Variants in BAIAP2L2 observed in about 807,000 individuals in gnomAD.
BAIAP2L2 encodes BAR/IMD domain-containing adapter protein 2-like 2.
BAIAP2L2 carries 65 observed loss-of-function variants against 60.4 expected under a neutral mutation model. The ratio of observed to expected loss-of-function variants is 1.08; its 90% confidence interval spans 0.88 to 1.32. The LOEUF is 1.32. BAIAP2L2 is among the 40% of genes most tolerant of loss of function. The pLI, the probability that BAIAP2L2 is intolerant of heterozygous loss-of-function variation, is 0.00. For missense variants in BAIAP2L2, 836 were observed against 741.2 expected, an observed-to-expected ratio of 1.13 and a Z score of -1.48; for synonymous variants, 344 against 301.7, an observed-to-expected ratio of 1.14 and a Z score of -1.45.
At chr22:38,104,946 A>C (rs892883063) in intron 4 of BAIAP2L2, among the ~76,000 whole-genome samples, 2 of 152,018 alleles carry the variant, frequency 1.3e-5, no homozygotes, top group Middle Eastern at 3.2e-3. Context: ...TGATGGGGGC[A>C]CCTGAAGGGG....
Position 38,097,056 on chromosome 22 carries a change from G to A in BAIAP2L2, c.588C>T (p.Asn196=). The A allele has an allele frequency of 6.2e-7, 1 of 1,613,828 alleles. No homozygotes were observed. The highest frequency in any genetic ancestry group is 8.5e-7 in the Non-Finnish European group (1 of 1,179,852). Reference sequence around the variant, plus strand: ...CCCGGCCGAAGAACTGCAGGAAGGTGTTGGAAAGTAGCAGGTGCTTCTCTG... The same window carrying A: ...CCCGGCCGAAGAACTGCAGGAAGGTATTGGAAAGTAGCAGGTGCTTCTCTG... The part of the protein sequence containing the change: ...FLAEKHLLLS[N]TFLQFFGRAR... Residue 196 remains asparagine, a synonymous_variant, in exon 7 of 14, where the codon AAC becomes AAT. Coordinates refer to ENST00000381669, the MANE Select transcript of BAIAP2L2 (RefSeq NM_025045.6).
At chr22:38,085,789 GCTCCTCCCCTCCCT>G in intron 12 of BAIAP2L2, 57 bp from the exon 13 acceptor site, 1 of 1,460,406 alleles carries the variant, frequency 6.8e-7, no homozygotes, top group African/African-American at 1.4e-5. Context: ...GCAATCCCTT[GCTCCTCCCCTCCCT>G]CTCCCCATGC....
chr22:38,110,232 C>T (rs1027049536), intron 1 of BAIAP2L2, among the ~76,000 whole-genome samples: 3 of 150,570 alleles, frequency 2.0e-5, no homozygotes, highest in Admixed American at 6.6e-5. Context: ...CTCAACTCTC[C>T]CCACCCTGGG....
Position 38,110,384 on chromosome 22 carries a change from C to T in BAIAP2L2, c.51+91G>A, listed in dbSNP as rs989033190. On this transcript the variant is annotated intron_variant, in intron 1 of 13. Coordinates refer to ENST00000381669, the MANE Select transcript of BAIAP2L2 (RefSeq NM_025045.6). ...GCTTCCCTTTCCAGGACATCTGTAG[C>T]CCCGGCTGGCCCTCCGTCCTCCAGA... 6 of 1,312,934 alleles carry T rather than the reference C, an allele frequency of 4.6e-6. No individual in the cohort carries two copies. The Admixed American group carries it at 5.9e-5, about 13-fold the overall frequency. The allele number at this position is 1,312,934 out of a possible 1,614,324, so 81.3% of individuals were successfully genotyped here.
chr22:38,104,764 G>A (rs2086631186), intron 4 of BAIAP2L2, among the ~76,000 whole-genome samples: 1 of 152,106 alleles, frequency 6.6e-6, no homozygotes, highest in Admixed American at 6.5e-5. Context: ...CCAAAGTGCT[G>A]GGATTACAGG....
rs1284945451 is a variant in BAIAP2L2, at chr22:38,088,972, C to A, written c.902-8G>T. On this transcript the variant is annotated splice_polypyrimidine_tract_variant and splice_region_variant and intron_variant, in intron 9 of 13. Transcript: ENST00000381669. Reference sequence around the variant, plus strand: ...TGCCGCTGTAGAGCGAGGCTGTGGGCGGGAGAGCGCGGCGGCACGTGGGCA... The same window carrying A: ...TGCCGCTGTAGAGCGAGGCTGTGGGAGGGAGAGCGCGGCGGCACGTGGGCA... 2 of 1,498,626 alleles carry A rather than the reference C, an allele frequency of 1.3e-6. No homozygotes were observed. The highest frequency in any genetic ancestry group is 2.1e-5 in the Admixed American group (1 of 46,762). The allele number at this position is 1,498,626 out of a possible 1,614,324, so 92.8% of individuals were successfully genotyped here.
chr22:38,088,883 C>G lies in BAIAP2L2; in HGVS notation c.983G>C (p.Arg328Thr), dbSNP rs1433038551. ...CGAGTGGGAGACCAGGGCGCGGACT[C>G]TCCTGGCGCCCCCGCCGCCGCCCGG... The part of the protein sequence containing the change: ...ERPGGGGGAR[R>T]VRALVSHSEG... The change falls in exon 10 of 14, where the codon AGA (arginine) becomes ACA (threonine). Residue 328 changes from arginine (R) to threonine (T), a missense_variant. Transcript: ENST00000381669. 1 of 1,584,498 alleles carries G rather than the reference C, an allele frequency of 6.3e-7. No homozygotes were observed. The highest frequency in any genetic ancestry group is 8.5e-7 in the Non-Finnish European group (1 of 1,173,296).
chr22:38,089,194 C>A lies in BAIAP2L2; in HGVS notation c.803G>T (p.Ser268Ile), dbSNP rs759713606. 4.2e-6 allele frequency: 5 copies of A among 1,185,184 alleles called. No individual in the cohort carries two copies. The highest frequency in any genetic ancestry group is 5.2e-6 in the Non-Finnish European group (5 of 955,570). The allele number at this position is 1,185,184 out of a possible 1,614,324, so 73.4% of individuals were successfully genotyped here. A position where few individuals can be genotyped will look rare whatever the true frequency, so the allele number is the denominator to read the frequency against. The change falls in exon 9 of 14, where the codon AGC becomes ATC. Residue 268 changes from serine to isoleucine, a missense_variant. Transcript: ENST00000381669. ...GCCGTAGGAGCCGGAGCCGTGCCGG[C>A]TGCGGGGGGAGCTGAACTCTCCCAG... is the stretch of plus-strand genomic sequence containing the variant. ...RPLGEFSSPR[S>I]RHGSGSYGTE...
chr22:38,098,230 CAA>C, intron 5 of BAIAP2L2, 51 bp from the exon 6 acceptor site: 1 of 1,578,586 alleles, frequency 6.3e-7, no homozygotes, highest in Non-Finnish European at 8.7e-7. Context: ...TCAGAGAGCT[CAA>C]GACACCCCTC....
rs376440553 is a variant in BAIAP2L2 at position 38,098,401 on chromosome 22, C to T, written c.348+10G>A. 5 of 1,613,042 alleles carry T rather than the reference C, an allele frequency of 3.1e-6. No homozygotes were observed. Among genetic ancestry groups the T allele is most frequent in the Admixed American group, 1.7e-5 (1 of 59,976 alleles). On this transcript the variant is annotated intron_variant, in intron 5 of 13. Transcript: ENST00000381669. ...GTGAGTTGGGGGCCGAGTGGGGAGG[C>T]CAGACTCACTTTGATGAACTGCATG... is the stretch of plus-strand genomic sequence containing the variant.
chr22:38,109,132 C>A lies in BAIAP2L2; in HGVS notation c.127+1G>T. On this transcript the variant is annotated splice_donor_variant, in intron 2 of 13. Transcript: ENST00000381669. LOFTEE classifies it high-confidence loss of function. ...GCTCGGTGGCCCGGGCAGGCACTCA[C>A]CGTGGAAGGCACGCAGGTAGTTGTT... 1 of 1,611,418 alleles carries A rather than the reference C, an allele frequency of 6.2e-7. No homozygotes were observed. The highest frequency in any genetic ancestry group is 8.5e-7 in the Non-Finnish European group (1 of 1,178,736).
rs1490164983 is a variant in BAIAP2L2, at chr22:38,088,919, A to G, written c.947T>C (p.Phe316Ser). Residue 316 changes from phenylalanine (F) to serine (S), a missense_variant, in exon 10 of 14, where the codon TTT becomes TCT. Phe to Ser is a radical substitution (Grantham distance 155). Transcript: ENST00000381669. ...CCCGCCGCCGCCCGGGCGCTCGCCA[A>G]AGGAGTTGGAGCGCGAGCTTTGGGC... ...GSAQSSRSNSFGERPGGGGGA... is the reference protein window; with the variant it reads ...GSAQSSRSNSSGERPGGGGGA... 1.9e-6 allele frequency: 3 copies of G among 1,551,898 alleles called. No individual in the cohort carries two copies. The highest frequency in any genetic ancestry group is 2.6e-6 in the Non-Finnish European group (3 of 1,155,996).
At chr22:38,107,078 C>G (rs1204264567) in intron 4 of BAIAP2L2, among the ~76,000 whole-genome samples, 2 of 152,110 alleles carry the variant, frequency 1.3e-5, no homozygotes, top group African/African-American at 2.4e-5. Context: ...TTATGATTCT[C>G]TCCATTCCTC....
chr22:38,088,342 C>A (rs1354437127), intron 10 of BAIAP2L2, among the ~76,000 whole-genome samples: 1 of 152,196 alleles, frequency 6.6e-6, no homozygotes, highest in African/African-American at 2.4e-5. Flanking sequence ...AGCCTGACCG[C>A]AAAGAGGTGA....
At chr22:38,103,287 AAT>A (rs2086601653) in intron 4 of BAIAP2L2, among the ~76,000 whole-genome samples, 1 of 152,198 alleles carries the variant, frequency 6.6e-6, no homozygotes, top group Non-Finnish European at 1.5e-5. Context: ...AGAGCGAGAG[AAT>A]ATGTGTTATA....
chr22:38,085,609 T>C (rs2086037461), intron 13 of BAIAP2L2, 77 bp downstream of exon 13: 4 of 1,503,520 alleles, frequency 2.7e-6, no homozygotes, highest in Non-Finnish European at 3.7e-6. Context: ...CCAGTCTCCC[T>C]AGTAGCTGGG....
chr22:38,090,140 T>C (rs2086260959), intron 7 of BAIAP2L2: 1 of 140,206 alleles, frequency 7.1e-6, no homozygotes, highest in South Asian at 2.3e-4. Flanking sequence ...AGACGGAGTC[T>C]GGCTCTGTCG....
chr22:38,089,154 C>T lies in BAIAP2L2; in HGVS notation c.843G>A (p.Ala281=), dbSNP rs779761706. 18 of 1,338,116 alleles carry T rather than the reference C, an allele frequency of 1.3e-5. No homozygotes were observed. Among genetic ancestry groups the T allele is most frequent in the Non-Finnish European group, 1.7e-5 (18 of 1,049,020 alleles). 82.9% of individuals were successfully genotyped at this position (1,338,116 alleles called of 1,614,324 possible). A position where few individuals can be genotyped will look rare whatever the true frequency, so the allele number is the denominator to read the frequency against. ...GSGSYGTEPD[A]RPASQLEPDR... ...CTGGCTCTAGCTGGGACGCGGGCCTCGCGTCGGGCTCGGTGCCGTAGGAGC... is the reference window on the plus strand; with the variant it reads ...CTGGCTCTAGCTGGGACGCGGGCCTTGCGTCGGGCTCGGTGCCGTAGGAGC... The change falls in exon 9 of 14, where the codon GCG becomes GCA. Residue 281 remains alanine, a synonymous_variant. Coordinates refer to ENST00000381669, the MANE Select transcript of BAIAP2L2 (RefSeq NM_025045.6).
chr22:38,101,739 A>C (rs1462082664), intron 4 of BAIAP2L2, among the ~76,000 whole-genome samples: 2 of 151,882 alleles, frequency 1.3e-5, no homozygotes, highest in Non-Finnish European at 2.9e-5. Context: ...CTATAATCCC[A>C]GCTATTTGGG....
Sources: gnomAD v4.1 joint callset for allele counts (sites outside exome capture counted in the v4.1 genomes callset) on GRCh38, gnomAD v4.1.1 for gene constraint, MANE v1.5 for transcripts, NCBI Gene and HGNC (gene_info 2026-07-23, HGNC 2026-07-21) for gene names.